Variants in TMPRSS9 observed in about 807,000 individuals in gnomAD.
TMPRSS9 encodes the protein transmembrane protease serine 9.
A neutral mutation model predicts 111.4 loss-of-function variants in TMPRSS9; 113 were observed. The ratio of observed to expected loss-of-function variants is 1.01; its 90% CI spans 0.87 to 1.19. The LOEUF is 1.19. Among genes scored for constraint, TMPRSS9 ranks in the 50% most tolerant of loss-of-function variants. The probability of loss-of-function intolerance (pLI) is 0.00; values close to 1 mark genes in which losing one functional copy is unlikely to be tolerated. For synonymous variants in TMPRSS9, 805 were observed against 659.1 expected, an observed-to-expected ratio of 1.22 and a Z score of -3.39; for missense variants, 1,803 against 1,513.1, an observed-to-expected ratio of 1.19 and a Z score of -3.18.
chr19:2,415,148 T>C (rs112875716), intron 10 of TMPRSS9, among the ~76,000 whole-genome samples: 2,689 of 152,052 alleles, frequency 0.018, 57 homozygotes, highest in East Asian at 0.098. Flanking sequence ...TTTCGCCATG[T>C]TGGCCAGGCT....
At chr19:2,422,189 T>G in exon 14 of TMPRSS9, 1 of 1,546,456 alleles carries the variant, frequency 6.5e-7, no homozygotes, top group South Asian at 1.2e-5. Flanking sequence ...GCACCACTGC[T>G]AGGGGACAGA....
rs1329684326 is a variant in TMPRSS9 at position 2,399,070 on chromosome 19, C to T, written c.391C>T (p.Pro131Ser). 7 of 1,613,484 alleles carry T rather than the reference C, an allele frequency of 4.3e-6. No individual in the cohort carries two copies. In the Admixed American group the frequency reaches 5.0e-5, roughly 12 times the overall value. Residue 131 changes from proline to serine, a missense_variant, in exon 4 of 18, where the codon CCC becomes TCC. By Grantham distance (74) the Pro-to-Ser change is moderately conservative (BLOSUM62 -1). Coordinates refer to ENST00000648592, the Ensembl canonical transcript of TMPRSS9. ...TTTCCAGCTGCACTTTCTGCTGCGA[C>T]CCCTCCAGACGCTGAGCCTGGGCCT...
At chr19:2,415,289 C>T (rs1479703683) in intron 10 of TMPRSS9, among the ~76,000 whole-genome samples, 2 of 152,102 alleles carry the variant, frequency 1.3e-5, no homozygotes, top group Non-Finnish European at 2.9e-5. Context: ...TGTTCCGAAA[C>T]CCCCTAACAA....
intron 1 of TMPRSS9, among the ~76,000 whole-genome samples, chr19:2,394,786 A>AT (rs11370695): frequency 0.36 from 54,839 of 151,566 alleles, 10,536 homozygotes; most frequent in East Asian, 0.62. Context: ...AATTACGGCC[A>AT]TTTTTTTTGC....
chr19:2,415,594 C>A (rs1307707531), intron 10 of TMPRSS9, 76 bp from the exon 12 acceptor site: 4 of 1,353,534 alleles, frequency 3.0e-6, no homozygotes, highest in Non-Finnish European at 3.9e-6. Flanking sequence ...CAACCGGTGT[C>A]CTGGGACCAC....
chr19:2,416,667 C>T (rs200924476), exon 12 of TMPRSS9: 271 of 1,612,980 alleles, frequency 1.7e-4, no homozygotes, highest in South Asian at 6.3e-4. Context: ...TCCTGGACTT[C>T]GACCTGGCTG....
In TMPRSS9 at chr19:2,425,641, G is replaced by A. The variant is rs1599323655; in HGVS notation, c.3120+148G>A. The A allele has an allele frequency of 6.6e-6, 9 of 1,364,656 alleles. No homozygotes were observed. The East Asian group carries it at 1.7e-4, about 26-fold the overall frequency. 84.5% of individuals were successfully genotyped at this position (1,364,656 alleles called of 1,614,324 possible). A position where few individuals can be genotyped will look rare whatever the true frequency, so the allele number is the denominator to read the frequency against. On this transcript the variant is annotated intron_variant, in intron 17 of 17. Coordinates refer to ENST00000648592, the Ensembl canonical transcript of TMPRSS9. ...AGCAGGGAGCCTTTTTGGCTCTGGA[G>A]GAATTTCCACTCCACAGCCGTTTAT...
chr19:2,421,877 C>G lies in TMPRSS9; in HGVS notation c.2178C>G (p.Ala726=), dbSNP rs201284315. Residue 726 remains alanine (A), a synonymous_variant, in exon 14 of 18, where the codon GCC becomes GCG. Transcript: ENST00000648592. ...AGGGTGACTCTGGGGGCCCCCTGGC[C>G]TGCGAGGAGGCCCCTGGCGTGTTTT... The G allele has an allele frequency of 6.8e-4, 1,094 of 1,609,090 alleles. 21 individuals carry two copies. In the South Asian group the frequency reaches 0.012, roughly 17 times the overall value.
chr19:2,425,960 C>T (rs772445916), exon 18 of TMPRSS9: 3 of 1,603,002 alleles, frequency 1.9e-6, no homozygotes, highest in South Asian at 1.1e-5. Flanking sequence ...CTGCAGGGAG[C>T]CCTCTGGACG....
intron 4 of TMPRSS9, among the ~76,000 whole-genome samples, chr19:2,401,440 G>A (rs1461164495): frequency 1.3e-5 from 2 of 152,110 alleles, no homozygotes; most frequent in East Asian, 3.9e-4. Flanking sequence ...GGCCGTCCGA[G>A]CCCTGGGGCT....
In TMPRSS9 at chr19:2,425,354, C is replaced by G. The variant is rs770725666; in HGVS notation, c.2984-3C>G. 2 of 1,494,564 alleles carry G rather than the reference C, an allele frequency of 1.3e-6. No homozygotes were observed. The highest frequency in any genetic ancestry group is 4.3e-5 in the Admixed American group (2 of 46,598). 92.6% of individuals were successfully genotyped at this position (1,494,564 alleles called of 1,614,324 possible). ...CCGCCCCGTCTCGCTCGCCCGCCCG[C>G]AGGCTCCATGGCGCGGCAGCTGCAG... is the stretch of plus-strand genomic sequence containing the variant. On this transcript the variant is annotated splice_polypyrimidine_tract_variant and splice_region_variant and intron_variant, in intron 16 of 17. Coordinates refer to ENST00000648592, the Ensembl canonical transcript of TMPRSS9.
chr19:2,425,366 CGCGGCAGCTGCAGAAG>C lies in TMPRSS9; in HGVS notation c.2999_3014del (p.Gln1000ProfsTer54). ...GCTCGCCCGCCCGCAGGCTCCATGG[CGCGGCAGCTGCAGAAG>C]GCGGCCGTGCGCCTCCTCAGCGAGC... On this transcript the variant is annotated frameshift_variant, in exon 17 of 18. Transcript: ENST00000648592. LOFTEE classifies it high-confidence loss of function. The C allele has an allele frequency of 6.6e-7, 1 of 1,521,376 alleles. No homozygotes were observed. The highest frequency in any genetic ancestry group is 1.4e-5 in the African/African-American group (1 of 69,990). The allele number at this position is 1,521,376 out of a possible 1,614,324, so 94.2% of individuals were successfully genotyped here. A position where few individuals can be genotyped will look rare whatever the true frequency, so the allele number is the denominator to read the frequency against.
At position 2,402,869 on chromosome 19, in the gene TMPRSS9, G is replaced by T. The variant is rs536121434; in HGVS notation, c.557-213G>T. ...TTGCTTGAACCTGGAGTTAGAGGCT[G>T]CGGTGAGCTGTGATTGCACCACTGC... On this transcript the variant is annotated intron_variant, in intron 5 of 17. Coordinates refer to ENST00000648592, the Ensembl canonical transcript of TMPRSS9. Among the ~76,000 whole-genome samples, 7 of 152,274 alleles carry T rather than the reference G, an allele frequency of 4.6e-5. No homozygotes were observed. The East Asian group carries it at 1.3e-3, about 29-fold the overall frequency.
intron 1 of TMPRSS9, among the ~76,000 whole-genome samples, chr19:2,375,849 GA>G (rs1168179924): frequency 2.0e-5 from 3 of 152,182 alleles, no homozygotes; most frequent in Admixed American, 6.6e-5. Context: ...ACGACCTGGG[GA>G]AACTGAGGCC....
exon 8 of TMPRSS9, chr19:2,408,443 C>G (rs751489229): frequency 3.1e-6 from 5 of 1,613,774 alleles, no homozygotes; most frequent in Non-Finnish European, 4.2e-6. Context: ...CCCAGGTGGT[C>G]CAGATCGTCA....
At chr19:2,364,272 C>A (rs566259338) in intron 1 of TMPRSS9, among the ~76,000 whole-genome samples, 2 of 152,278 alleles carry the variant, frequency 1.3e-5, no homozygotes, top group African/African-American at 2.4e-5. Flanking sequence ...CTGAGGCGAA[C>A]CTTGGGGTTT....
intron 7 of TMPRSS9, among the ~76,000 whole-genome samples, chr19:2,406,096 C>T (rs555997802): frequency 4.7e-5 from 7 of 148,634 alleles, no homozygotes; most frequent in Non-Finnish European, 8.9e-5. Flanking sequence ...CTGCAAGCTC[C>T]GCCTCCCGGG....
At chr19:2,424,970 C>G in intron 15 of TMPRSS9, 32 bp from the exon 17 acceptor site, 1 of 1,450,716 alleles carries the variant, frequency 6.9e-7, no homozygotes, top group Non-Finnish European at 9.0e-7. Context: ...CGTGGGGGCT[C>G]GGGCCGACGC....
chr19:2,426,189 G>A lies in TMPRSS9; in HGVS notation c.*101G>A, dbSNP rs187128143. The A allele has an allele frequency of 3.5e-3, 3,280 of 943,088 alleles. 4 individuals carry two copies. The highest frequency in any genetic ancestry group is 0.014 in the East Asian group (293 of 20,298). The allele number at this position is 943,088 out of a possible 1,614,324, so 58.4% of individuals were successfully genotyped here. On this transcript the variant is annotated 3_prime_UTR_variant, in exon 18 of 18. Transcript: ENST00000648592. Reference sequence around the variant, plus strand: ...CCGTACCCTACCCAAGGACGGGTGTGGGGGGGCTGTGGGTCATGGGGATGC... The same window carrying A: ...CCGTACCCTACCCAAGGACGGGTGTAGGGGGGCTGTGGGTCATGGGGATGC...
Sources: allele counts gnomAD v4.1 joint callset (sites outside exome capture counted in the v4.1 genomes callset), GRCh38; gene constraint gnomAD v4.1.1; transcripts MANE v1.5; gene names NCBI Gene and HGNC (gene_info 2026-07-23, HGNC 2026-07-21).